Variants in AUH observed in about 807,000 individuals in gnomAD.
AUH encodes the protein AU RNA binding methylglutaconyl-CoA hydratase.
Under a neutral mutation model 42.3 loss-of-function variants are expected in AUH, and 29 were observed. The ratio of observed to expected loss-of-function variants is 0.69; its 90% confidence interval spans 0.51 to 0.93. AUH has a LOEUF of 0.93. AUH is among the 40% of genes least tolerant of loss of function. AUH has a pLI of 0.00. For missense variants in AUH, 452 were observed against 438.1 expected (o/e 1.03, Z -0.28); for synonymous variants, 174 against 166.4 (o/e 1.05, Z -0.35).
chr9:91,313,184 C>G (rs1487891463), intron 4 of AUH, among the ~76,000 whole-genome samples: 2 of 152,150 alleles, frequency 1.3e-5, no homozygotes, highest in Non-Finnish European at 2.9e-5. Context: ...AATCCGTCTG[C>G]TTCCTTAATA....
Position 91,361,856 on chromosome 9 carries a change from A to T in AUH, c.34T>A (p.Leu12Met). ...AAAVAAAPGA[L>M]GSLHAGGARL... ...GCGCCGCCAGCATGCAGGGATCCCA[A>T]GGCCCCAGGTGCCGCCGCCACCGCG... The change falls in exon 1 of 10, where the codon TTG (leucine) becomes ATG (methionine). Residue 12 changes from leucine to methionine, a missense_variant. Physicochemically the swap from Leu to Met is conservative, Grantham distance 15 (BLOSUM62 2). Coordinates refer to ENST00000375731, the MANE Select transcript of AUH (RefSeq NM_001698.3). 6.7e-7 allele frequency: 1 copy of T among 1,483,510 alleles called. No individual in the cohort carries two copies. Among genetic ancestry groups the T allele is most frequent in the Non-Finnish European group, 8.9e-7 (1 of 1,123,308 alleles). The allele number at this position is 1,483,510 out of a possible 1,614,324, so 91.9% of individuals were successfully genotyped here. A position where few individuals can be genotyped will look rare whatever the true frequency, so the allele number is the denominator to read the frequency against.
At chr9:91,356,579 T>C (rs1279834130) in intron 1 of AUH, among the ~76,000 whole-genome samples, 5 of 152,156 alleles carry the variant, frequency 3.3e-5, no homozygotes, top group Admixed American at 3.3e-4. Flanking sequence ...CTCTCCTGAT[T>C]TCTGTCTGAT....
chr9:91,276,445 C>G (rs1453232595), intron 6 of AUH, among the ~76,000 whole-genome samples: 1 of 148,680 alleles, frequency 6.7e-6, no homozygotes, highest in African/African-American at 2.5e-5. Flanking sequence ...ATTGCATATA[C>G]AAAATTGTTA....
At chr9:91,261,854 C>T (rs1210461673) in intron 6 of AUH, among the ~76,000 whole-genome samples, 1 of 152,178 alleles carries the variant, frequency 6.6e-6, no homozygotes, top group Admixed American at 6.5e-5. Flanking sequence ...AGTAGAAAGA[C>T]ACATTTGGTC....
intron 6 of AUH, among the ~76,000 whole-genome samples, chr9:91,243,970 T>G (rs906993480): frequency 6.6e-6 from 1 of 152,210 alleles, no homozygotes; most frequent in Non-Finnish European, 1.5e-5. Flanking sequence ...AATGAGCCAT[T>G]CTTCTTAGCA....
intron 6 of AUH, among the ~76,000 whole-genome samples, chr9:91,272,469 T>TGTC (rs1825220321): frequency 2.6e-5 from 4 of 152,114 alleles, no homozygotes; most frequent in Non-Finnish European, 4.4e-5. Flanking sequence ...CACTGTGCGT[T>TGTC]TGCCTTGCTC....
chr9:91,303,606 C>T (rs1827981591), intron 4 of AUH, among the ~76,000 whole-genome samples: 1 of 152,182 alleles, frequency 6.6e-6, no homozygotes, highest in South Asian at 2.1e-4. Flanking sequence ...GGATTACAGG[C>T]GTAAGCCACT....
chr9:91,285,874 A>C (rs985117432), intron 6 of AUH, among the ~76,000 whole-genome samples: 1 of 152,174 alleles, frequency 6.6e-6, no homozygotes, highest in Admixed American at 6.5e-5. Context: ...CAGAAGGCTG[A>C]ATCAGTGCCA....
At chr9:91,265,847 C>A (rs1829946711) in intron 6 of AUH, among the ~76,000 whole-genome samples, 1 of 152,204 alleles carries the variant, frequency 6.6e-6, no homozygotes, top group Admixed American at 6.5e-5. Context: ...CCCGTCTCAT[C>A]TGTAAAATCA....
intron 4 of AUH, among the ~76,000 whole-genome samples, chr9:91,299,077 G>A: frequency 6.6e-6 from 1 of 152,106 alleles, no homozygotes; most frequent in Non-Finnish European, 1.5e-5. Flanking sequence ...AATTAGCCAG[G>A]CATGATGGCG....
At position 91,331,651 on chromosome 9, in the gene AUH, A is replaced by G. The variant is rs535622425; in HGVS notation, c.419-6247T>C. Among the ~76,000 whole-genome samples the G allele has an allele frequency of 2.0e-5, 3 of 152,240 alleles. 1 individual carries two copies. Among genetic ancestry groups the G allele is most frequent in the Non-Finnish European group, 4.4e-5 (3 of 68,042 alleles). On this transcript the variant is annotated intron_variant, in intron 3 of 9. Transcript: ENST00000375731. ...TTATTTAACAATTTTGAGAAAACAT[A>G]TATTTTAAACACCACCCACTATAAT... is the stretch of plus-strand genomic sequence containing the variant.
chr9:91,343,723 C>A (rs1587903230), intron 3 of AUH, among the ~76,000 whole-genome samples: 1 of 152,092 alleles, frequency 6.6e-6, no homozygotes, highest in East Asian at 1.9e-4. Context: ...CAGAGCAAGA[C>A]CCTGTCTCAA....
rs572053519 is a variant in AUH at position 91,218,572 on chromosome 9, T to G, written c.844-1245A>C. On this transcript the variant is annotated intron_variant, in intron 7 of 9. Coordinates refer to ENST00000375731, the MANE Select transcript of AUH (RefSeq NM_001698.3). ...ACAAGCTGCCAGGAGATGCCCAGGC[T>G]GCTGGTCCACAGACCACACTTTGGG... 1.1e-5 allele frequency: 11 copies of G among 965,944 alleles called. No individual in the cohort carries two copies. In the South Asian group the frequency reaches 4.8e-4, roughly 42 times the overall value. The allele number at this position is 965,944 out of a possible 1,614,324, so 59.8% of individuals were successfully genotyped here. A position where few individuals can be genotyped will look rare whatever the true frequency, so the allele number is the denominator to read the frequency against.
At chr9:91,265,441 A>G (rs1829922250) in intron 6 of AUH, among the ~76,000 whole-genome samples, 1 of 151,986 alleles carries the variant, frequency 6.6e-6, no homozygotes, top group African/African-American at 2.4e-5. Flanking sequence ...CTTAAGGCTC[A>G]GTTGTTTTTC....
intron 6 of AUH, among the ~76,000 whole-genome samples, chr9:91,279,990 C>T (rs979026298): frequency 1.2e-4 from 19 of 152,124 alleles, no homozygotes; most frequent in South Asian, 2.1e-4. Flanking sequence ...TTACGTCTGT[C>T]GGATGGCATG....
At chr9:91,273,937 G>C (rs1468175700) in intron 6 of AUH, among the ~76,000 whole-genome samples, 1 of 152,080 alleles carries the variant, frequency 6.6e-6, no homozygotes, top group African/African-American at 2.4e-5. Flanking sequence ...GGTGGAAAAG[G>C]GCTGACCAGG....
At chr9:91,331,696 AGT>A (rs955795937) in intron 3 of AUH, among the ~76,000 whole-genome samples, 9 of 152,246 alleles carry the variant, frequency 5.9e-5, no homozygotes, top group African/African-American at 1.9e-4. Flanking sequence ...CTAAAATTTC[AGT>A]GTTTTAATAA....
intron 6 of AUH, among the ~76,000 whole-genome samples, chr9:91,289,688 T>A (rs1348672349): frequency 1.3e-5 from 2 of 152,080 alleles, no homozygotes; most frequent in African/African-American, 4.8e-5. Context: ...AAAAACACAA[T>A]TTTTGAAAAA....
rs121434636 is a variant in AUH, at chr9:91,297,993, G to A, written c.589C>T (p.Arg197Ter). 20 of 1,605,018 alleles carry A rather than the reference G, an allele frequency of 1.2e-5. No individual in the cohort carries two copies. The highest frequency in any genetic ancestry group is 3.3e-5 in the Admixed American group (2 of 59,988). ...GLELALACDI[R>*]VAASSAKMGL... Reference sequence around the variant, plus strand: ...CAGGATTAATTCTTACCTGCTACTCGTATATCACAGGCTAAAGCCAGTTCA... The same window carrying A: ...CAGGATTAATTCTTACCTGCTACTCATATATCACAGGCTAAAGCCAGTTCA... Residue 197 changes from arginine to a stop codon, truncating the protein, a stop_gained, in exon 5 of 10, where the codon CGA becomes TGA. Transcript: ENST00000375731. LOFTEE classifies it high-confidence loss of function.
Sources: gnomAD v4.1 joint callset for allele counts (sites outside exome capture counted in the v4.1 genomes callset) on GRCh38, gnomAD v4.1.1 for gene constraint, MANE v1.5 for transcripts, NCBI Gene and HGNC (gene_info 2026-07-23, HGNC 2026-07-21) for gene names.